The following DARS1 variants were observed in gnomAD, a reference collection of about 807,000 sequenced individuals.
DARS1 encodes the protein aspartyl-tRNA synthetase 1.
Under a neutral mutation model 68.8 loss-of-function variants are expected in DARS1, and 51 were observed. That is an observed-to-expected ratio of 0.74 (90% CI 0.59 to 0.94). The LOEUF (loss-of-function observed/expected upper bound fraction) is 0.94. Ranked by LOEUF, DARS1 falls within the 40% of genes least tolerant of loss-of-function variation. DARS1 has a pLI of 0.00. For synonymous variants in DARS1, 203 were observed against 190.4 expected (o/e 1.07, Z -0.55); for missense variants, 607 against 597.3 (o/e 1.02, Z -0.17).
intron 4 of DARS1, among the ~76,000 whole-genome samples, chr2:135,959,201 G>T (rs573882950): frequency 6.6e-6 from 1 of 151,770 alleles, no homozygotes; most frequent in African/African-American, 2.4e-5. Flanking sequence ...AGACCAGCCT[G>T]ACCAACATGG....
chr2:135,964,776 G>A (rs1682185030), intron 3 of DARS1, among the ~76,000 whole-genome samples: 4 of 144,592 alleles, frequency 2.8e-5, no homozygotes, highest in Admixed American at 7.3e-5. Context: ...AGCAGGCGGA[G>A]GTTGCAATGA....
At chr2:135,966,168 ATTTTTT>A (rs60485095) in intron 3 of DARS1, among the ~76,000 whole-genome samples, 1 of 141,620 alleles carries the variant, frequency 7.1e-6, no homozygotes, top group African/African-American at 2.6e-5. Flanking sequence ...CTGTAAATGT[ATTTTTT>A]TTTTTTTTTC....
chr2:135,943,485 C>G lies in DARS1; in HGVS notation c.321-5G>C, dbSNP rs1681653454. Reference sequence around the variant, plus strand: ...ACAATGCTCTCTTTGTTGATGCTGTCAAGAGAAAAAATTCCCAACTTGAAT... The same window carrying G: ...ACAATGCTCTCTTTGTTGATGCTGTGAAGAGAAAAAATTCCCAACTTGAAT... On this transcript the variant is annotated splice_region_variant and splice_polypyrimidine_tract_variant and intron_variant, in intron 4 of 15. Coordinates refer to ENST00000264161, the MANE Select transcript of DARS1 (RefSeq NM_001349.4). 1.2e-6 allele frequency: 2 copies of G among 1,609,230 alleles called. No homozygotes were observed. The highest frequency in any genetic ancestry group is 1.7e-6 in the Non-Finnish European group (2 of 1,178,624).
chr2:135,937,787 T>C lies in DARS1; in HGVS notation c.424-3797A>G, dbSNP rs190483364. The stretch of plus-strand genomic sequence containing the variant: ...CTGGATATGAAACTCTGGGTTGAAA[T>C]TTCTTTTCTTTAAGAATGATGAATA... On this transcript the variant is annotated intron_variant, in intron 5 of 15. Coordinates refer to ENST00000264161, the MANE Select transcript of DARS1 (RefSeq NM_001349.4). 2.8e-3 allele frequency among the ~76,000 whole-genome samples: 428 copies of C among 152,322 alleles called. 3 individuals are homozygous for C. Among genetic ancestry groups the C allele is most frequent in the Non-Finnish European group, 1.6e-3 (112 of 68,020 alleles).
At chr2:135,918,766 C>T (rs1388790157) in intron 10 of DARS1, among the ~76,000 whole-genome samples, 2 of 151,984 alleles carry the variant, frequency 1.3e-5, no homozygotes, top group East Asian at 1.9e-4. Flanking sequence ...ATTATAAATG[C>T]GAACAGAAAA....
chr2:135,951,418 A>G (rs951735486), intron 4 of DARS1, among the ~76,000 whole-genome samples: 1 of 152,186 alleles, frequency 6.6e-6, no homozygotes, highest in Non-Finnish European at 1.5e-5. Context: ...CTAATTCATT[A>G]TTTTCCTTAC....
At chr2:135,916,904 G>T (rs1339723837) in intron 10 of DARS1, among the ~76,000 whole-genome samples, 1 of 152,090 alleles carries the variant, frequency 6.6e-6, no homozygotes, top group Non-Finnish European at 1.5e-5. Flanking sequence ...AGATTTAAAA[G>T]GTCTATTTTT....
chr2:135,911,206 C>A lies in DARS1; in HGVS notation c.1347G>T (p.Leu449Phe). ...AATCAATGTAAGCCTTAATTTTCTCCAAATCTGCAAAAAGACACAAAACAA... is the reference window on the plus strand; with the variant it reads ...AATCAATGTAAGCCTTAATTTTCTCAAAATCTGCAAAAAGACACAAAACAA... Reference protein sequence around the residue: ...TERALHHGIDLEKIKAYIDSF... With the variant: ...TERALHHGIDFEKIKAYIDSF... The change falls in exon 15 of 16, where the codon TTG (leucine) becomes TTT (phenylalanine). Residue 449 changes from leucine to phenylalanine, a missense_variant. Transcript: ENST00000264161. 1 of 1,509,160 alleles carries A rather than the reference C, an allele frequency of 6.6e-7. No individual in the cohort carries two copies. Among genetic ancestry groups the A allele is most frequent in the Non-Finnish European group, 9.2e-7 (1 of 1,086,088 alleles). The allele number at this position is 1,509,160 out of a possible 1,614,324, so 93.5% of individuals were successfully genotyped here.
intron 13 of DARS1, among the ~76,000 whole-genome samples, chr2:135,911,903 A>T (rs1007095375): frequency 1.3e-5 from 2 of 152,154 alleles, no homozygotes; most frequent in African/African-American, 2.4e-5. Flanking sequence ...AGTGGTTCCC[A>T]AAGTGTGATT....
intron 3 of DARS1, among the ~76,000 whole-genome samples, chr2:135,968,821 C>T (rs1682298623): frequency 6.6e-6 from 1 of 151,912 alleles, no homozygotes; most frequent in South Asian, 2.1e-4. Flanking sequence ...GCCATGATGC[C>T]CGGCTATTTT....
intron 5 of DARS1, among the ~76,000 whole-genome samples, chr2:135,938,308 G>A (rs954201162): frequency 2.0e-5 from 3 of 152,140 alleles, no homozygotes; most frequent in African/African-American, 7.2e-5. Flanking sequence ...CATGCATCAC[G>A]TAGTTCCTGT....
Position 135,979,308 on chromosome 2 carries a change from C to A in DARS1, c.183G>T (p.Trp61Cys). Residue 61 changes from tryptophan to cysteine, a missense_variant, in exon 3 of 16, where the codon TGG becomes TGT. Trp to Cys is a radical substitution (Grantham distance 215). Transcript: ENST00000264161. Reference sequence around the variant, plus strand: ...TGCTTGTATGAACTCTTGCACGTACCCAAACAACTTCATCAGCTTTTTGTA... The same window carrying A: ...TGCTTGTATGAACTCTTGCACGTACACAAACAACTTCATCAGCTTTTTGTA... Reference protein sequence around the residue: ...LTIQKADEVVWVRARVHTSRA... With the variant: ...LTIQKADEVVCVRARVHTSRA... 6.6e-7 allele frequency: 1 copy of A among 1,517,034 alleles called. No homozygotes were observed. Among genetic ancestry groups the A allele is most frequent in the Non-Finnish European group, 9.2e-7 (1 of 1,091,286 alleles). 94.0% of individuals were successfully genotyped at this position (1,517,034 alleles called of 1,614,324 possible). A position where few individuals can be genotyped will look rare whatever the true frequency, so the allele number is the denominator to read the frequency against.
chr2:135,958,143 C>A (rs1682018900), intron 4 of DARS1, among the ~76,000 whole-genome samples: 1 of 152,076 alleles, frequency 6.6e-6, no homozygotes, highest in African/African-American at 2.4e-5. Flanking sequence ...CTAAGAATGA[C>A]AATTTAAATA....
At chr2:135,952,290 T>G (rs999451927) in intron 4 of DARS1, among the ~76,000 whole-genome samples, 1 of 152,158 alleles carries the variant, frequency 6.6e-6, no homozygotes, top group Non-Finnish European at 1.5e-5. Context: ...TTTTTTAAAT[T>G]GACACATAAT....
In DARS1 at chr2:135,976,082, A is replaced by C. The variant is rs529913748; in HGVS notation, c.217+3192T>G. 5.3e-5 allele frequency among the ~76,000 whole-genome samples: 8 copies of C among 152,366 alleles called. No individual in the cohort carries two copies. In the East Asian group the frequency reaches 1.5e-3, roughly 29 times the overall value. On this transcript the variant is annotated intron_variant, in intron 3 of 15. Coordinates refer to ENST00000264161, the MANE Select transcript of DARS1 (RefSeq NM_001349.4). The stretch of plus-strand genomic sequence containing the variant: ...GTTATTACTTTTATAATCTAGAATA[A>C]ATTTTTCAATTTTGCAAATTAAAAA...
At chr2:135,984,258 C>T (rs3768996) in intron 1 of DARS1, among the ~76,000 whole-genome samples, 2 of 152,076 alleles carry the variant, frequency 1.3e-5, no homozygotes, top group Non-Finnish European at 2.9e-5. Context: ...GTATCTAGAC[C>T]TATACTATCT....
intron 2 of DARS1, among the ~76,000 whole-genome samples, chr2:135,980,125 AC>A (rs1485815587): frequency 6.6e-6 from 1 of 152,198 alleles, no homozygotes; most frequent in Non-Finnish European, 1.5e-5. Flanking sequence ...GTCATCTCAT[AC>A]ATTTCCCTAT....
chr2:135,920,649 G>C, intron 9 of DARS1, 49 bp from the exon 10 acceptor site: 1 of 1,507,166 alleles, frequency 6.6e-7, no homozygotes, highest in Non-Finnish European at 8.8e-7. Flanking sequence ...TTTCAATTTT[G>C]GATAAATAGG....
chr2:135,940,303 T>G (rs1681567326), intron 5 of DARS1, among the ~76,000 whole-genome samples: 1 of 152,330 alleles, frequency 6.6e-6, no homozygotes. Flanking sequence ...TCAAAAAGCT[T>G]ATCCACTACC....
Sources: allele counts gnomAD v4.1 joint callset (sites outside exome capture counted in the v4.1 genomes callset), GRCh38; gene constraint gnomAD v4.1.1; transcripts MANE v1.5; gene names NCBI Gene and HGNC (gene_info 2026-07-23, HGNC 2026-07-21).